PPP1R13B: variants seen among roughly 807,000 people sequenced by gnomAD.
The protein encoded by PPP1R13B is protein phosphatase 1 regulatory subunit 13B.
PPP1R13B carries 44 observed loss-of-function variants against 119.8 expected under a neutral mutation model. The observed-to-expected ratio is 0.37, with a 90% CI of 0.29 to 0.47. The LOEUF is 0.47. Among genes scored for constraint, PPP1R13B ranks in the 20% least tolerant of loss-of-function variants. PPP1R13B has a pLI of 0.99. For synonymous variants in PPP1R13B, 542 were observed against 561.5 expected (o/e 0.97, Z 0.49); for missense variants, 1,227 against 1,413.5 (o/e 0.87, Z 2.12).
chr14:103,763,124 C>A, intron 4 of PPP1R13B: 1 of 678,346 alleles, frequency 1.5e-6, no homozygotes, highest in Non-Finnish European at 2.6e-6. Flanking sequence ...TTTCCCGCAG[C>A]TCCCTCACAC....
intron 2 of PPP1R13B, among the ~76,000 whole-genome samples, chr14:103,791,119 T>C (rs2085607329): frequency 2.1e-5 from 1 of 47,800 alleles, no homozygotes; most frequent in Non-Finnish European, 4.3e-5. Flanking sequence ...GCTGACTTTT[T>C]TCTTCTTTTT....
chr14:103,847,669 C>T (rs1595859060), upstream of PPP1R13B: 3 of 959,798 alleles, frequency 3.1e-6, no homozygotes, highest in South Asian at 9.4e-5. Flanking sequence ...CTGATTGGCC[C>T]GGTGGGAGCG....
At chr14:103,771,044 T>C (rs2085055209) in intron 4 of PPP1R13B, among the ~76,000 whole-genome samples, 1 of 152,072 alleles carries the variant, frequency 6.6e-6, no homozygotes, top group Non-Finnish European at 1.5e-5. Context: ...ACAACCTCAA[T>C]GTAAGGCTAA....
chr14:103,838,076 A>G (rs1327723746), intron 1 of PPP1R13B, among the ~76,000 whole-genome samples: 1 of 152,116 alleles, frequency 6.6e-6, no homozygotes, highest in Non-Finnish European at 1.5e-5. Flanking sequence ...CCGAGATCAC[A>G]CCACTGCACT....
chr14:103,741,650 C>T, intron 11 of PPP1R13B, 140 bp downstream of exon 11: 1 of 1,138,770 alleles, frequency 8.8e-7, no homozygotes, highest in Non-Finnish European at 1.2e-6. Flanking sequence ...ACACTGACAC[C>T]CAAGGCTGTA....
At chr14:103,803,471 A>G (rs4906373) in intron 1 of PPP1R13B, among the ~76,000 whole-genome samples, 67,537 of 151,658 alleles carry the variant, frequency 0.45, 15,522 homozygotes, top group African/African-American at 0.56. Context: ...GTGAAACCCC[A>G]TCTCTATTAA....
At chr14:103,846,073 T>C (rs189465202) in intron 1 of PPP1R13B, among the ~76,000 whole-genome samples, 1 of 152,302 alleles carries the variant, frequency 6.6e-6, no homozygotes, top group African/African-American at 2.4e-5. Flanking sequence ...AGAACCAGCG[T>C]TTCACCCCAG....
chr14:103,792,904 A>G (rs1699487855), intron 2 of PPP1R13B, among the ~76,000 whole-genome samples: 1 of 151,878 alleles, frequency 6.6e-6, no homozygotes, highest in African/African-American at 2.4e-5. Flanking sequence ...CCTCGTCTCT[A>G]CTAAAAAATG....
chr14:103,768,272 C>T (rs1412532010), intron 4 of PPP1R13B, among the ~76,000 whole-genome samples: 3 of 151,720 alleles, frequency 2.0e-5, no homozygotes, highest in East Asian at 1.9e-4. Context: ...CCCATCACCA[C>T]GCCCAGCTAA....
At chr14:103,755,843 GAACTT>G (rs1479330270) in intron 5 of PPP1R13B, among the ~76,000 whole-genome samples, 21 of 152,024 alleles carry the variant, frequency 1.4e-4, no homozygotes, top group Non-Finnish European at 2.8e-4. Flanking sequence ...CTTTCCAATT[GAACTT>G]AACTTTTAAT....
At chr14:103,745,922 C>T (rs914520864) in intron 9 of PPP1R13B, among the ~76,000 whole-genome samples, 1 of 152,226 alleles carries the variant, frequency 6.6e-6, no homozygotes, top group African/African-American at 2.4e-5. Context: ...TCTCCCGCTT[C>T]AGCCTCCTGA....
intron 2 of PPP1R13B, among the ~76,000 whole-genome samples, chr14:103,790,189 T>C (rs1327888053): frequency 6.8e-6 from 1 of 147,792 alleles, no homozygotes; most frequent in Admixed American, 6.9e-5. Context: ...GAGGTTGCAG[T>C]GAGCCAAGAT....
intron 4 of PPP1R13B, among the ~76,000 whole-genome samples, chr14:103,773,382 C>A (rs746549163): frequency 2.0e-5 from 3 of 152,146 alleles, no homozygotes; most frequent in Non-Finnish European, 4.4e-5. Context: ...TGCCAATCCT[C>A]AGAATCAGTA....
At position 103,810,078 on chromosome 14, in the gene PPP1R13B, C is replaced by G. The variant is rs563410250; in HGVS notation, c.10-12560G>C. Among the ~76,000 whole-genome samples, 9 of 148,316 alleles carry G rather than the reference C, an allele frequency of 6.1e-5. No individual in the cohort carries two copies. In the South Asian group the frequency reaches 1.2e-3, roughly 19 times the overall value. On this transcript the variant is annotated intron_variant, in intron 1 of 16. Transcript: ENST00000202556. ...TGACCTTGTGATCTGCCCGCCTTGG[C>G]CTCCCAAAGTGCTGGAATTACAAGT...
intron 2 of PPP1R13B, among the ~76,000 whole-genome samples, chr14:103,791,110 C>T (rs2085606630): frequency 7.1e-6 from 1 of 140,744 alleles, no homozygotes; most frequent in East Asian, 2.1e-4. Context: ...CATTATGCTG[C>T]TGACTTTTTT....
Position 103,810,777 on chromosome 14 carries a change from G to T in PPP1R13B, c.10-13259C>A, listed in dbSNP as rs1439145461. ...CAGAGCGAGACTCCATCTCAAAAAA[G>T]AAAAAAAAAAATTGAAAGTGACTGC... On this transcript the variant is annotated intron_variant, in intron 1 of 16. Coordinates refer to ENST00000202556, the MANE Select transcript of PPP1R13B (RefSeq NM_015316.3). 4.3e-5 allele frequency among the ~76,000 whole-genome samples: 6 copies of T among 139,358 alleles called. No homozygotes were observed. In the Admixed American group the frequency reaches 4.3e-4, roughly 10 times the overall value. 91.4% of individuals were successfully genotyped at this position (139,358 alleles called of 152,430 possible). A position where few individuals can be genotyped will look rare whatever the true frequency, so the allele number is the denominator to read the frequency against.
At chr14:103,789,319 AGCGAT>A in intron 2 of PPP1R13B, among the ~76,000 whole-genome samples, 1 of 152,002 alleles carries the variant, frequency 6.6e-6, no homozygotes, top group Non-Finnish European at 1.5e-5. Flanking sequence ...CCCGGGTTCA[AGCGAT>A]TCTCCTGCCT....
chr14:103,790,349 T>C (rs1346784767), intron 2 of PPP1R13B, among the ~76,000 whole-genome samples: 1 of 152,126 alleles, frequency 6.6e-6, no homozygotes, highest in Non-Finnish European at 1.5e-5. Context: ...CAATCTGCTA[T>C]GGTCTGAATG....
At chr14:103,847,992 C>G (rs2087111413), upstream of PPP1R13B, among the ~76,000 whole-genome samples, 1 of 151,688 alleles carries the variant, frequency 6.6e-6, no homozygotes, top group Non-Finnish European at 1.5e-5. Flanking sequence ...CGCCCGCACT[C>G]TGACCGCGGC....
Sources: gnomAD v4.1 joint callset for allele counts (sites outside exome capture counted in the v4.1 genomes callset) on GRCh38, gnomAD v4.1.1 for gene constraint, MANE v1.5 for transcripts, NCBI Gene and HGNC (gene_info 2026-07-23, HGNC 2026-07-21) for gene names.